Variants in MIPOL1 observed in about 807,000 individuals in gnomAD.
MIPOL1 encodes mirror-image polydactyly gene 1 protein.
In MIPOL1, 57 loss-of-function variants were observed where a neutral mutation model predicts 60.9. The ratio of observed to expected loss-of-function variants is 0.94; its 90% CI spans 0.76 to 1.17. MIPOL1 has a LOEUF of 1.17. MIPOL1 is among the 50% of genes most tolerant of loss of function. MIPOL1 has a pLI of 0.00. For synonymous variants in MIPOL1, 179 were observed against 168.8 expected, an observed-to-expected ratio of 1.06 and a Z score of -0.47; for missense variants, 551 against 511.6, an observed-to-expected ratio of 1.08 and a Z score of -0.74.
chr14:37,498,480 A>G (rs1448397963), intron 11 of MIPOL1, among the ~76,000 whole-genome samples: 2 of 152,312 alleles, frequency 1.3e-5, no homozygotes, highest in Non-Finnish European at 2.9e-5. Flanking sequence ...CTTGGAACAG[A>G]CAAGAATGCA....
chr14:37,539,661 C>G, intron 12 of MIPOL1, among the ~76,000 whole-genome samples: 1 of 152,074 alleles, frequency 6.6e-6, no homozygotes, highest in East Asian at 1.9e-4. Context: ...AGTAAAGATA[C>G]AACAATTTTC....
chr14:37,346,312 C>G (rs1263526912), intron 9 of MIPOL1, among the ~76,000 whole-genome samples: 1 of 152,082 alleles, frequency 6.6e-6, no homozygotes, highest in Non-Finnish European at 1.5e-5. Context: ...CTGGGTGACA[C>G]AGTGAGACTC....
At chr14:37,289,805 T>C (rs1231954419) in intron 7 of MIPOL1, among the ~76,000 whole-genome samples, 2 of 152,132 alleles carry the variant, frequency 1.3e-5, no homozygotes, top group Admixed American at 1.3e-4. Flanking sequence ...AAGCTCAAAG[T>C]CACAACGTTT....
At chr14:37,260,706 T>G (rs2153377293) in intron 3 of MIPOL1, among the ~76,000 whole-genome samples, 1 of 152,246 alleles carries the variant, frequency 6.6e-6, no homozygotes, top group South Asian at 2.1e-4. Context: ...ATGACTTTAT[T>G]TTATGACTGT....
At chr14:37,347,299 C>G (rs140665130) in intron 9 of MIPOL1, among the ~76,000 whole-genome samples, 1 of 151,708 alleles carries the variant, frequency 6.6e-6, no homozygotes, top group Non-Finnish European at 1.5e-5. Context: ...GAAAAAAAGA[C>G]GGACAGAATT....
intron 7 of MIPOL1, 52 bp downstream of exon 7, chr14:37,285,499 A>G (rs1434488626): frequency 3.8e-6 from 6 of 1,568,144 alleles, no homozygotes; most frequent in Non-Finnish European, 5.2e-6. Flanking sequence ...TATAAAAGGC[A>G]TGCTTTAGGT....
chr14:37,452,531 A>G (rs2094434702), intron 11 of MIPOL1, among the ~76,000 whole-genome samples: 1 of 152,206 alleles, frequency 6.6e-6, no homozygotes. Flanking sequence ...GGGCAGCTGT[A>G]CTACTTTGGG....
intron 11 of MIPOL1, among the ~76,000 whole-genome samples, chr14:37,442,739 T>A (rs544926902): frequency 1.3e-5 from 2 of 151,922 alleles, no homozygotes; most frequent in African/African-American, 4.8e-5. Context: ...TACAATAGCA[T>A]CAAAAAGAAT....
Position 37,238,553 on chromosome 14 carries a change from A to T in MIPOL1, c.-198-8550A>T, listed in dbSNP as rs181578003. Among the ~76,000 whole-genome samples the T allele has an allele frequency of 3.3e-5, 5 of 152,310 alleles. No homozygotes were observed. The East Asian group carries it at 9.7e-4, about 29-fold the overall frequency. ...TGAGAGAAGATTTTCTTAACTAATT[A>T]ATAATATAAAATGTCAGGTTAGTCA... On this transcript the variant is annotated intron_variant, in intron 1 of 12. Coordinates refer to ENST00000684589, the MANE Select transcript of MIPOL1 (RefSeq NM_001388067.1).
At chr14:37,315,906 A>G (rs1316420766) in intron 9 of MIPOL1, among the ~76,000 whole-genome samples, 1 of 152,130 alleles carries the variant, frequency 6.6e-6, no homozygotes, top group Non-Finnish European at 1.5e-5. Flanking sequence ...GCAGTTGGGC[A>G]AAAGAGGAGG....
At chr14:37,203,438 C>G (rs1965616689) in intron 1 of MIPOL1, among the ~76,000 whole-genome samples, 1 of 152,114 alleles carries the variant, frequency 6.6e-6, no homozygotes, top group African/African-American at 2.4e-5. Flanking sequence ...TATTTTTGTT[C>G]TGGTTTTTAT....
At chr14:37,386,941 T>C (rs2093086404) in intron 10 of MIPOL1, among the ~76,000 whole-genome samples, 1 of 151,998 alleles carries the variant, frequency 6.6e-6, no homozygotes, top group Non-Finnish European at 1.5e-5. Context: ...AGTTATCTCA[T>C]TTTTCCCAAC....
At chr14:37,526,162 T>C (rs886619497) in intron 12 of MIPOL1, among the ~76,000 whole-genome samples, 2 of 151,242 alleles carry the variant, frequency 1.3e-5, no homozygotes, top group African/African-American at 4.9e-5. Context: ...TCTCTCATAA[T>C]CAAGCCTCTG....
At chr14:37,387,107 C>T (rs1391774955) in intron 10 of MIPOL1, among the ~76,000 whole-genome samples, 1 of 151,820 alleles carries the variant, frequency 6.6e-6, no homozygotes, top group Non-Finnish European at 1.5e-5. Flanking sequence ...GTGAAGAATG[C>T]TCAGCTGCAG....
intron 3 of MIPOL1, among the ~76,000 whole-genome samples, chr14:37,261,301 G>A (rs1390050311): frequency 6.6e-6 from 1 of 151,806 alleles, no homozygotes; most frequent in Admixed American, 6.6e-5. Context: ...AAAAAAAAGA[G>A]AAAGTATTAG....
chr14:37,491,896 A>G (rs1422575789), intron 11 of MIPOL1, among the ~76,000 whole-genome samples: 1 of 152,212 alleles, frequency 6.6e-6, no homozygotes, highest in Admixed American at 6.5e-5. Context: ...ACACACTCTT[A>G]TCCATTCTGA....
chr14:37,218,838 T>A (rs1159760007), intron 1 of MIPOL1, among the ~76,000 whole-genome samples: 2 of 151,444 alleles, frequency 1.3e-5, no homozygotes, highest in Non-Finnish European at 2.9e-5. Context: ...GGTGGGAGTA[T>A]TGGTTGAGCC....
chr14:37,420,097 A>G (rs2093844890), intron 10 of MIPOL1, among the ~76,000 whole-genome samples: 1 of 143,290 alleles, frequency 7.0e-6, no homozygotes, highest in South Asian at 2.2e-4. Context: ...GCAATTTTTG[A>G]AAAAAAAAAA....
At chr14:37,526,828 T>C (rs2095450741) in intron 12 of MIPOL1, among the ~76,000 whole-genome samples, 1 of 152,174 alleles carries the variant, frequency 6.6e-6, no homozygotes, top group Admixed American at 6.5e-5. Flanking sequence ...TGTGTTCTTT[T>C]AATTTTGACA....
Sources: allele counts gnomAD v4.1 joint callset (sites outside exome capture counted in the v4.1 genomes callset), GRCh38; gene constraint gnomAD v4.1.1; transcripts MANE v1.5; gene names NCBI Gene and HGNC (gene_info 2026-07-23, HGNC 2026-07-21).